Variants in POLR3B observed in about 807,000 individuals in gnomAD.
POLR3B encodes RNA polymerase III subunit B.
Under a neutral mutation model 147.4 loss-of-function variants are expected in POLR3B, and 96 were observed. The ratio of observed to expected loss-of-function variants is 0.65; its 90% confidence interval spans 0.55 to 0.77. The LOEUF (loss-of-function observed/expected upper bound fraction) is 0.77, where lower values mean the gene tolerates loss of function less well. Among genes scored for constraint, POLR3B ranks in the 30% least tolerant of loss-of-function variants. The probability of loss-of-function intolerance (pLI) is 0.00; values close to 1 mark genes in which losing one functional copy is unlikely to be tolerated. For missense variants in POLR3B, 1,036 were observed against 1,413.5 expected (o/e 0.73, Z 4.28); for synonymous variants, 461 against 485.9 (o/e 0.95, Z 0.67).
chr12:106,461,759 C>A (rs1483128871), intron 22 of POLR3B, among the ~76,000 whole-genome samples: 1 of 152,146 alleles, frequency 6.6e-6, no homozygotes. Flanking sequence ...ACACTGCTCT[C>A]GCCTGGCCCT....
rs558927954 is a variant in POLR3B at position 106,475,383 on chromosome 12, C to T, written c.2713+11763C>T. On this transcript the variant is annotated intron_variant, in intron 23 of 27. Coordinates refer to ENST00000228347, the MANE Select transcript of POLR3B (RefSeq NM_018082.6). ...GAGTTTTGTAGATGTCTATTAGGTC[C>T]GCTTGGTGCAGAGCTGAGTTCAATT... 7.1e-4 allele frequency among the ~76,000 whole-genome samples: 64 copies of T among 89,836 alleles called. 2 individuals are homozygous for T. Among genetic ancestry groups the T allele is most frequent in the Non-Finnish European group, 9.1e-4 (41 of 45,270 alleles). The allele number at this position is 89,836 out of a possible 152,430, so 58.9% of individuals were successfully genotyped here.
In POLR3B at chr12:106,502,760, A is replaced by G. The variant is rs74778932; in HGVS notation, c.3099-1321A>G. 6.5e-3 allele frequency among the ~76,000 whole-genome samples: 988 copies of G among 152,294 alleles called. 9 individuals are homozygous for G. Among genetic ancestry groups the G allele is most frequent in the African/African-American group, 0.022 (935 of 41,556 alleles). On this transcript the variant is annotated intron_variant, in intron 26 of 27. Transcript: ENST00000228347. ...GGAAGAGAAGTTGATTCTCAAGACA[A>G]TAATCACCTCAGCAATGGTACCGTA...
intron 1 of POLR3B, among the ~76,000 whole-genome samples, chr12:106,359,117 A>C (rs1296477427): frequency 6.6e-6 from 1 of 152,074 alleles, no homozygotes; most frequent in Non-Finnish European, 1.5e-5. Context: ...CAGGAGGCTG[A>C]GGTGGAAGGA....
chr12:106,392,403 TCCA>T (rs1317003372), intron 9 of POLR3B, among the ~76,000 whole-genome samples: 1 of 152,168 alleles, frequency 6.6e-6, no homozygotes, highest in Non-Finnish European at 1.5e-5. Flanking sequence ...CCTCAGGTGA[TCCA>T]CCTGCCTCGG....
chr12:106,493,212 G>A lies in POLR3B; in HGVS notation c.2714-2843G>A, dbSNP rs556782642. 5.9e-5 allele frequency among the ~76,000 whole-genome samples: 9 copies of A among 152,248 alleles called. No individual in the cohort carries two copies. In the East Asian group the frequency reaches 1.2e-3, roughly 20 times the overall value. On this transcript the variant is annotated intron_variant, in intron 23 of 27. Coordinates refer to ENST00000228347, the MANE Select transcript of POLR3B (RefSeq NM_018082.6). The stretch of plus-strand genomic sequence containing the variant: ...GAGTGTTAACACATTGAAGCGCACC[G>A]CATATCATTTACATTTTAAACCAGT...
chr12:106,399,043 G>T (rs1326655299), intron 10 of POLR3B, among the ~76,000 whole-genome samples: 8 of 152,136 alleles, frequency 5.3e-5, no homozygotes, highest in Admixed American at 5.2e-4. Context: ...CCAAGCTGCA[G>T]GAGGAAGTTC....
chr12:106,439,572 G>A (rs1054236517), intron 18 of POLR3B, among the ~76,000 whole-genome samples: 4 of 150,274 alleles, frequency 2.7e-5, no homozygotes, highest in African/African-American at 9.8e-5. Context: ...ATGAGTCCAG[G>A]AGGTGGAGGC....
chr12:106,378,243 G>A (rs754144327), intron 7 of POLR3B, 24 bp from the exon 8 acceptor site: 5 of 1,411,494 alleles, frequency 3.5e-6, no homozygotes, highest in South Asian at 3.5e-5. Flanking sequence ...AAATGATGAA[G>A]TTTTTCTTGT....
chr12:106,414,901 T>C (rs2037280257), intron 12 of POLR3B, among the ~76,000 whole-genome samples: 2 of 152,208 alleles, frequency 1.3e-5, no homozygotes, highest in African/African-American at 4.8e-5. Context: ...TAGTTTACTT[T>C]AAAGCCCCCT....
intron 22 of POLR3B, among the ~76,000 whole-genome samples, chr12:106,460,530 G>A (rs1213799011): frequency 6.6e-6 from 1 of 152,188 alleles, no homozygotes; most frequent in Non-Finnish European, 1.5e-5. Context: ...TGGGTGCCAC[G>A]GATTTGTCTC....
Position 106,452,000 on chromosome 12 carries a change from T to C in POLR3B, c.2084-2502T>C, listed in dbSNP as rs185526606. On this transcript the variant is annotated intron_variant, in intron 19 of 27. Transcript: ENST00000228347. ...TAGATATTCTCCTTGTGTTATTTTA[T>C]ATGTGTGTATATATATGTAACGCCC... Among the ~76,000 whole-genome samples the C allele has an allele frequency of 2.0e-5, 3 of 152,316 alleles. No homozygotes were observed. In the East Asian group the frequency reaches 5.8e-4, roughly 29 times the overall value.
intron 23 of POLR3B, among the ~76,000 whole-genome samples, chr12:106,478,029 C>T (rs1384254589): frequency 6.6e-6 from 1 of 150,634 alleles, no homozygotes; most frequent in Non-Finnish European, 1.5e-5. Flanking sequence ...CTCAGCATCC[C>T]CCATTAGCTG....
At chr12:106,483,474 G>A (rs1321555884) in intron 23 of POLR3B, among the ~76,000 whole-genome samples, 7 of 152,184 alleles carry the variant, frequency 4.6e-5, no homozygotes, top group African/African-American at 1.7e-4. Context: ...CAAAAAGATG[G>A]ATACGAAGGA....
In POLR3B at chr12:106,499,073, A is replaced by G. The variant is rs193212339; in HGVS notation, c.2984+2155A>G. ...ATAATAATATGGATTTCTTAGGTGT[A>G]TCATACCTGAGATGTTATAGAAAAG... On this transcript the variant is annotated intron_variant, in intron 25 of 27. Coordinates refer to ENST00000228347, the MANE Select transcript of POLR3B (RefSeq NM_018082.6). 2.4e-4 allele frequency among the ~76,000 whole-genome samples: 37 copies of G among 152,362 alleles called. 1 individual carries two copies. Among genetic ancestry groups the G allele is most frequent in the Middle Eastern group, 3.4e-3 (1 of 294 alleles).
intron 19 of POLR3B, among the ~76,000 whole-genome samples, 179 bp downstream of exon 19, chr12:106,444,769 A>C (rs971640433): frequency 6.6e-6 from 1 of 152,232 alleles, no homozygotes; most frequent in South Asian, 2.1e-4. Flanking sequence ...GTGCCCTGCT[A>C]TGTCTAAATC....
intron 25 of POLR3B, 115 bp from the exon 26 acceptor site, chr12:106,501,208 A>G (rs1592780811): frequency 2.7e-6 from 2 of 743,188 alleles, no homozygotes; most frequent in South Asian, 2.9e-5. Flanking sequence ...ACTGAAAATC[A>G]TTCTTATCCA....
chr12:106,460,324 G>A (rs1426297145), intron 22 of POLR3B, among the ~76,000 whole-genome samples: 4 of 152,286 alleles, frequency 2.6e-5, no homozygotes, highest in Non-Finnish European at 5.9e-5. Flanking sequence ...ACATGTGTTA[G>A]CTCAGTTAAT....
rs7970973 is a variant in POLR3B, at chr12:106,466,332, C to A, written c.2713+2712C>A. ...TTTTTCTTGTAAATTTGTTTAAGTC[C>A]GTTGTAGATTCTGGATATTAGCCCT... is the stretch of plus-strand genomic sequence containing the variant. On this transcript the variant is annotated intron_variant, in intron 23 of 27. Coordinates refer to ENST00000228347, the MANE Select transcript of POLR3B (RefSeq NM_018082.6). 2.8e-3 allele frequency among the ~76,000 whole-genome samples: 429 copies of A among 152,062 alleles called. 4 individuals are homozygous for A. The highest frequency in any genetic ancestry group is 9.8e-3 in the African/African-American group (405 of 41,474).
chr12:106,357,972 G>A (rs781465482), intron 1 of POLR3B, 21 bp downstream of exon 1: 10 of 1,610,452 alleles, frequency 6.2e-6, no homozygotes, highest in Admixed American at 5.0e-5. Flanking sequence ...GGCACGCAGG[G>A]AGCGTCAGGG....
Sources: gnomAD v4.1 joint callset for allele counts (sites outside exome capture counted in the v4.1 genomes callset) on GRCh38, gnomAD v4.1.1 for gene constraint, MANE v1.5 for transcripts, NCBI Gene and HGNC (gene_info 2026-07-23, HGNC 2026-07-21) for gene names.